The following NDUFAF7 variants were observed in gnomAD, a reference collection of about 807,000 sequenced individuals.
NDUFAF7 encodes NADH:ubiquinone oxidoreductase complex assembly factor 7.
A neutral mutation model predicts 47.2 loss-of-function variants in NDUFAF7; 48 were observed. The ratio of observed to expected loss-of-function variants is 1.02; its 90% confidence interval spans 0.81 to 1.29. The LOEUF is 1.29. Among genes scored for constraint, NDUFAF7 ranks in the 50% most tolerant of loss-of-function variants. The pLI, the probability that NDUFAF7 is intolerant of heterozygous loss-of-function variation, is 0.00. For synonymous variants in NDUFAF7, 217 were observed against 190.0 expected (o/e 1.14, Z -1.17); for missense variants, 635 against 537.6 (o/e 1.18, Z -1.79).
At chr2:37,270,564 T>G in the NDUFAF7 span, among the ~76,000 whole-genome samples, 4 of 152,176 alleles carry the variant, frequency 2.6e-5, no homozygotes, top group African/African-American at 9.7e-5. Flanking sequence ...TTTGGGATGT[T>G]TACTGTCAAA....
intron 7 of NDUFAF7, among the ~76,000 whole-genome samples, chr2:37,244,771 A>T (rs1353090855): frequency 6.6e-6 from 1 of 152,180 alleles, no homozygotes; most frequent in Non-Finnish European, 1.5e-5. Flanking sequence ...TATAAATTTA[A>T]ATGTCAGACT....
At position 37,247,694 on chromosome 2, in the gene NDUFAF7, A is replaced by G. The variant is rs910458862; in HGVS notation, c.1110+65A>G. ...TAGTATTTCAAAAATTACTTTAAATAGTATGTTCACCTGGCCTTAATGCTC... is the reference window on the plus strand; with the variant it reads ...TAGTATTTCAAAAATTACTTTAAATGGTATGTTCACCTGGCCTTAATGCTC... On this transcript the variant is annotated intron_variant, in intron 9 of 9. Coordinates refer to ENST00000002125, the MANE Select transcript of NDUFAF7 (RefSeq NM_144736.5). The G allele has an allele frequency of 5.1e-6, 8 of 1,569,542 alleles. No individual in the cohort carries two copies. The East Asian group carries it at 1.6e-4, about 31-fold the overall frequency.
At chr2:37,260,177 A>AG in the NDUFAF7 span, 2 of 1,515,000 alleles carry the variant, frequency 1.3e-6, no homozygotes, top group Non-Finnish European at 1.8e-6. Flanking sequence ...AAAAAAAAAA[A>AG]TTAGTTTTTA....
At chr2:37,250,959 C>CTTCT (rs1045562381), downstream of NDUFAF7, 1 of 152,608 alleles carries the variant, frequency 6.6e-6, no homozygotes, top group Non-Finnish European at 1.5e-5. Context: ...TTTTAGAAAA[C>CTTCT]TTCTTAGGCA....
chr2:37,271,068 A>G, the NDUFAF7 span, among the ~76,000 whole-genome samples: 25 of 152,120 alleles, frequency 1.6e-4, no homozygotes, highest in Admixed American at 3.9e-4. Flanking sequence ...TATCTCCAAT[A>G]ACACTACTAG....
rs917487593 is a variant in NDUFAF7 at position 37,237,762 on chromosome 2, A to G, written c.303A>G (p.Leu101=). 1.9e-6 allele frequency: 3 copies of G among 1,594,304 alleles called. No homozygotes were observed. The highest frequency in any genetic ancestry group is 4.5e-5 in the East Asian group (2 of 44,770). Residue 101 remains leucine, a synonymous_variant, in exon 4 of 10, where the codon CTA becomes CTG. Coordinates refer to ENST00000002125, the MANE Select transcript of NDUFAF7 (RefSeq NM_144736.5). The stretch of plus-strand genomic sequence containing the variant: ...TTTTTTTTCCCTTTTCACAGCTACT[A>G]GGTATATGGTTCATTAGTGAATGGA... ...PEISQIFGEL[L]GIWFISEWMA... is the part of the protein sequence containing the mutation.
At chr2:37,260,100 GGTTGCAGTGAGCCA>G in the NDUFAF7 span, 4 of 821,564 alleles carry the variant, frequency 4.9e-6, no homozygotes, top group African/African-American at 1.7e-5. Flanking sequence ...AGGAGGCAGA[GGTTGCAGTGAGCCA>G]GATTGCACCA....
At chr2:37,233,724 G>A (rs568163347) in intron 2 of NDUFAF7, among the ~76,000 whole-genome samples, 34 of 152,134 alleles carry the variant, frequency 2.2e-4, no homozygotes, top group African/African-American at 8.0e-4. Context: ...TTAAAGCCAA[G>A]GAACCAGGGA....
intron 4 of NDUFAF7, among the ~76,000 whole-genome samples, chr2:37,240,956 A>C (rs902403401): frequency 3.3e-5 from 5 of 152,258 alleles, no homozygotes; most frequent in African/African-American, 1.2e-4. Flanking sequence ...AATTGGAGGC[A>C]GATCACCAGT....
At chr2:37,235,470 G>T (rs1050503281) in intron 2 of NDUFAF7, among the ~76,000 whole-genome samples, 1 of 152,066 alleles carries the variant, frequency 6.6e-6, no homozygotes, top group Non-Finnish European at 1.5e-5. Flanking sequence ...AGTAGGCAGG[G>T]TCTTGCTGTG....
chr2:37,245,917 T>G (rs986423530), intron 7 of NDUFAF7, 135 bp from the exon 8 acceptor site: 11 of 974,436 alleles, frequency 1.1e-5, no homozygotes, highest in African/African-American at 1.6e-5. Context: ...AAGTTGAGTG[T>G]AGAGAACATA....
chr2:37,254,550 C>T (rs557252383), downstream of NDUFAF7, among the ~76,000 whole-genome samples: 3 of 152,218 alleles, frequency 2.0e-5, no homozygotes, highest in African/African-American at 7.2e-5. Flanking sequence ...ACTGCCTGGG[C>T]TGAAGTCTGG....
At chr2:37,249,600 CACAGAG>C (rs1433675012), downstream of NDUFAF7, among the ~76,000 whole-genome samples, 364 of 110,478 alleles carry the variant, frequency 3.3e-3, 5 homozygotes, top group Middle Eastern at 0.014. Flanking sequence ...CACACACACA[CACAGAG>C]GGGAGATCGC....
downstream of NDUFAF7, chr2:37,252,847 T>TTATTTATATA (rs1553362998): frequency 6.9e-6 from 1 of 145,014 alleles, no homozygotes; most frequent in East Asian, 2.0e-4. Flanking sequence ...ATATTTATAT[T>TTATTTATATA]TATATATATA....
the NDUFAF7 span, among the ~76,000 whole-genome samples, chr2:37,261,351 G>C: frequency 6.6e-6 from 1 of 152,128 alleles, no homozygotes; most frequent in Non-Finnish European, 1.5e-5. Context: ...ACCAGGTGTG[G>C]TGACAGGTAT....
rs1169600245 is a variant in NDUFAF7, at chr2:37,247,553, A to G, written c.1034A>G (p.Gln345Arg). The G allele has an allele frequency of 6.2e-7, 1 of 1,614,118 alleles. No homozygotes were observed. Among genetic ancestry groups the G allele is most frequent in the Admixed American group, 1.7e-5 (1 of 60,008 alleles). Residue 345 changes from glutamine (Q) to arginine (R), a missense_variant, in exon 9 of 10, where the codon CAG becomes CGG. Coordinates refer to ENST00000002125, the MANE Select transcript of NDUFAF7 (RefSeq NM_144736.5). ...TTCAGTTATTTGCGAAGAATGGCAC[A>G]GGGAAAAGTAGCCTCTCTGGGCCCA... ...VDFSYLRRMA[Q>R]GKVASLGPIK...
Position 37,248,451 on chromosome 2 carries a change from C to A in NDUFAF7, c.*101C>A. ...GGTAACAAAAGTCAAAGTATTTTATCTTTTCACAGCAAGAACAGTCCATGT... is the reference window on the plus strand; with the variant it reads ...GGTAACAAAAGTCAAAGTATTTTATATTTTCACAGCAAGAACAGTCCATGT... On this transcript the variant is annotated 3_prime_UTR_variant, in exon 10 of 10. Transcript: ENST00000002125. The A allele has an allele frequency of 8.8e-7, 1 of 1,139,322 alleles. No homozygotes were observed. Among genetic ancestry groups the A allele is most frequent in the Non-Finnish European group, 1.3e-6 (1 of 758,738 alleles). 70.6% of individuals were successfully genotyped at this position (1,139,322 alleles called of 1,614,324 possible). A position where few individuals can be genotyped will look rare whatever the true frequency, so the allele number is the denominator to read the frequency against.
At chr2:37,253,152 T>A, downstream of NDUFAF7, 2 of 1,565,134 alleles carry the variant, frequency 1.3e-6, no homozygotes, top group South Asian at 2.3e-5. Flanking sequence ...AATGAAATCC[T>A]TCCTTATTTA....
At chr2:37,241,822 A>G (rs1049384995) in intron 5 of NDUFAF7, 31 bp downstream of exon 5, 1 of 1,587,854 alleles carries the variant, frequency 6.3e-7, no homozygotes, top group East Asian at 2.2e-5. Context: ...TAATGAAAGA[A>G]TTTTGATCAC....
Sources: gnomAD v4.1 joint callset for allele counts (sites outside exome capture counted in the v4.1 genomes callset) on GRCh38, gnomAD v4.1.1 for gene constraint, MANE v1.5 for transcripts, NCBI Gene and HGNC (gene_info 2026-07-23, HGNC 2026-07-21) for gene names.